The following EEA1 variants were observed in gnomAD, a reference collection of about 807,000 sequenced individuals.
EEA1 encodes the protein early endosome antigen 1, 162kD.
Under a neutral mutation model 209.2 loss-of-function variants are expected in EEA1, and 111 were observed. The ratio of observed to expected loss-of-function variants is 0.53; its 90% CI spans 0.45 to 0.62. The LOEUF (loss-of-function observed/expected upper bound fraction) is 0.62, where lower values mean the gene tolerates loss of function less well. Among genes scored for constraint, EEA1 ranks in the 20% least tolerant of loss-of-function variants. The pLI, the probability that EEA1 is intolerant of heterozygous loss-of-function variation, is 0.00. For missense variants in EEA1, 1,343 were observed against 1,530.8 expected (o/e 0.88, Z 2.05); for synonymous variants, 536 against 540.6 (o/e 0.99, Z 0.12).
At chr12:92,886,890 C>T (rs964857169) in intron 2 of EEA1, among the ~76,000 whole-genome samples, 9 of 151,570 alleles carry the variant, frequency 5.9e-5, no homozygotes, top group East Asian at 2.0e-4. Context: ...CCCAGCTACT[C>T]GGGAGGCTGA....
intron 21 of EEA1, among the ~76,000 whole-genome samples, chr12:92,789,625 G>A (rs1007753551): frequency 2.0e-5 from 3 of 152,112 alleles, no homozygotes; most frequent in Admixed American, 6.5e-5. Context: ...CAGGAAGCTC[G>A]AACTGGGTGG....
intron 11 of EEA1, among the ~76,000 whole-genome samples, 179 bp downstream of exon 11, chr12:92,832,333 G>A (rs1274370374): frequency 6.6e-6 from 1 of 151,778 alleles, no homozygotes; most frequent in Non-Finnish European, 1.5e-5. Flanking sequence ...TTTTTTTAAG[G>A]GAAACTGAAA....
rs552420200 is a variant in EEA1, at chr12:92,841,898, G to A, written c.915+567C>T. On this transcript the variant is annotated intron_variant, in intron 10 of 28. Transcript: ENST00000322349. ...ACAGGTAAAGAATTGAAAGCAACGT[G>A]ACAAAGAGATATTTGTACAGCCATG... Among the ~76,000 whole-genome samples the A allele has an allele frequency of 7.9e-5, 12 of 152,228 alleles. No individual in the cohort carries two copies. In the East Asian group the frequency reaches 2.3e-3, roughly 29 times the overall value.
Position 92,819,337 on chromosome 12 carries a change from G to C in EEA1, c.1699C>G (p.Gln567Glu). ...EGETAVLNQL[Q>E]EKNHTLQEQV... ...TCCTGTAGTGTATGGTTTTTTTCTT[G>C]TAACTGGTTAAGAACAGCAGTCTCT... The change falls in exon 14 of 29, where the codon CAA (glutamine) becomes GAA (glutamate). Residue 567 changes from glutamine (Q) to glutamate (E), a missense_variant. By Grantham distance (29) the Gln-to-Glu change is conservative. This residue lies in a region of EEA1 where 1,307 missense variants were observed against 1,465.5 expected (regional missense o/e 0.89). Transcript: ENST00000322349. The C allele has an allele frequency of 6.2e-7, 1 of 1,609,300 alleles. No individual in the cohort carries two copies. Among genetic ancestry groups the C allele is most frequent in the Non-Finnish European group, 8.5e-7 (1 of 1,178,352 alleles).
intron 11 of EEA1, among the ~76,000 whole-genome samples, chr12:92,830,418 G>A (rs1030109446): frequency 6.6e-6 from 1 of 152,040 alleles, no homozygotes; most frequent in East Asian, 1.9e-4. Context: ...GTGAGAACAT[G>A]TGGTATTTGA....
At chr12:92,844,570 T>C (rs569753796) in intron 9 of EEA1, among the ~76,000 whole-genome samples, 59 of 152,154 alleles carry the variant, frequency 3.9e-4, no homozygotes, top group Admixed American at 2.1e-3. Flanking sequence ...AAACTGAACA[T>C]GTAACCTTGA....
chr12:92,874,926 A>G (rs1021318191), intron 2 of EEA1, among the ~76,000 whole-genome samples: 1 of 152,222 alleles, frequency 6.6e-6, no homozygotes, highest in Admixed American at 6.5e-5. Context: ...ATTATACAAC[A>G]TACATATGTA....
intron 10 of EEA1, among the ~76,000 whole-genome samples, chr12:92,836,492 T>A (rs1435632659): frequency 2.6e-5 from 4 of 152,208 alleles, no homozygotes; most frequent in African/African-American, 9.7e-5. Flanking sequence ...TAATGCTTCA[T>A]AGCTTACAAA....
Position 92,842,942 on chromosome 12 carries a change from AACTTCTATAGCATAAAATTATCCTTTT to A in EEA1, c.799-388_799-362del, listed in dbSNP as rs1302939733. ...GCCAGTTATATCTACATTTCCTCCCAACTTCTATAGCATAAAATTATCCTTTTACTTTAAGACATGTATATACAAACA... is the reference window on the plus strand; with the variant it reads ...GCCAGTTATATCTACATTTCCTCCCAACTTTAAGACATGTATATACAAACA... On this transcript the variant is annotated intron_variant, in intron 9 of 28. Coordinates refer to ENST00000322349, the MANE Select transcript of EEA1 (RefSeq NM_003566.4). Among the ~76,000 whole-genome samples the A allele has an allele frequency of 5.3e-5, 8 of 152,270 alleles. No individual in the cohort carries two copies. The East Asian group carries it at 1.3e-3, about 26-fold the overall frequency.
In EEA1 at chr12:92,826,353, A is replaced by C. The variant is rs1484661124; in HGVS notation, c.1405-68T>G. 32 of 1,408,156 alleles carry C rather than the reference A, an allele frequency of 2.3e-5. 1 individual carries two copies. The highest frequency in any genetic ancestry group is 5.9e-6 in the Non-Finnish European group (6 of 1,012,238). 87.2% of individuals were successfully genotyped at this position (1,408,156 alleles called of 1,614,324 possible). ...ATGCTATCATTCATAAGTATCTGGC[A>C]TTACTTCAATTCTCAAGTCTGAACA... is the stretch of plus-strand genomic sequence containing the variant. On this transcript the variant is annotated intron_variant, in intron 12 of 28. Transcript: ENST00000322349.
chr12:92,913,651 T>A (rs1407029522), intron 1 of EEA1, among the ~76,000 whole-genome samples: 1 of 152,054 alleles, frequency 6.6e-6, no homozygotes, highest in Non-Finnish European at 1.5e-5. Flanking sequence ...TACTTCCAGG[T>A]TTTTTGTTTG....
At chr12:92,806,184 GAA>G (rs1875197939) in intron 18 of EEA1, among the ~76,000 whole-genome samples, 5 of 151,944 alleles carry the variant, frequency 3.3e-5, no homozygotes, top group African/African-American at 1.2e-4. Flanking sequence ...ATAAAGAGGA[GAA>G]ATAAATAAGA....
intron 22 of EEA1, among the ~76,000 whole-genome samples, chr12:92,782,900 C>T (rs771882616): frequency 1.3e-5 from 2 of 152,210 alleles, no homozygotes; most frequent in Non-Finnish European, 2.9e-5. Context: ...TCCAAGAGAA[C>T]TGGGTTTGGG....
chr12:92,796,971 T>G (rs1874680071), intron 21 of EEA1, among the ~76,000 whole-genome samples: 1 of 152,240 alleles, frequency 6.6e-6, no homozygotes, highest in Admixed American at 6.5e-5. Flanking sequence ...TAAACAAAAT[T>G]TGCATTCAGA....
At chr12:92,776,435 C>A (rs1383189555) in intron 28 of EEA1, among the ~76,000 whole-genome samples, 1 of 151,824 alleles carries the variant, frequency 6.6e-6, no homozygotes, top group Admixed American at 6.6e-5. Context: ...AAAAACTATT[C>A]CTATTTGCCA....
chr12:92,807,193 A>C (rs1292321729), intron 18 of EEA1, among the ~76,000 whole-genome samples: 1 of 152,088 alleles, frequency 6.6e-6, no homozygotes, highest in Admixed American at 6.5e-5. Context: ...ACTTCAGATG[A>C]TCTGCCTGCC....
chr12:92,774,797 G>A lies in EEA1; in HGVS notation c.*1214C>T, dbSNP rs1302585398. 2 of 151,560 alleles carry A rather than the reference G, an allele frequency of 1.3e-5. No individual in the cohort carries two copies. Among genetic ancestry groups the A allele is most frequent in the Non-Finnish European group, 3.0e-5 (2 of 67,602 alleles). 9.4% of individuals were successfully genotyped at this position (151,560 alleles called of 1,614,324 possible). A position where few individuals can be genotyped will look rare whatever the true frequency, so the allele number is the denominator to read the frequency against. ...TTTGCAAAGTTAAAATTAAAACTGG[G>A]AACAGTTGACATGGAACACCAAATT... On this transcript the variant is annotated 3_prime_UTR_variant, in exon 29 of 29. Transcript: ENST00000322349.
chr12:92,780,485 C>T (rs1486562741), intron 23 of EEA1, 74 bp from the exon 24 acceptor site: 1 of 1,078,574 alleles, frequency 9.3e-7, no homozygotes, highest in Non-Finnish European at 1.3e-6. Context: ...ATAAAAATGA[C>T]TGCTACTATT....
In EEA1 at chr12:92,772,463, TTC is replaced by T. The variant is rs1435772863; in HGVS notation, c.*3546_*3547del. ...TTAATGCAAAATGGTTAATACAGTG[TTC>T]TCTCTTTTGTTAGACAAAACAATTT... is the stretch of plus-strand genomic sequence containing the variant. On this transcript the variant is annotated 3_prime_UTR_variant, in exon 29 of 29. Coordinates refer to ENST00000322349, the MANE Select transcript of EEA1 (RefSeq NM_003566.4). 6.6e-6 allele frequency: 1 copy of T among 151,862 alleles called. No homozygotes were observed. Among genetic ancestry groups the T allele is most frequent in the African/African-American group, 2.4e-5 (1 of 41,428 alleles). 9.4% of individuals were successfully genotyped at this position (151,862 alleles called of 1,614,324 possible). A position where few individuals can be genotyped will look rare whatever the true frequency, so the allele number is the denominator to read the frequency against.
Sources: allele counts gnomAD v4.1 joint callset (sites outside exome capture counted in the v4.1 genomes callset), GRCh38; gene constraint gnomAD v4.1.1; regional missense constraint gnomAD v4.1.1; transcripts MANE v1.5; gene names NCBI Gene and HGNC (gene_info 2026-07-23, HGNC 2026-07-21).